Variants in SPATA17 observed in about 807,000 individuals in gnomAD.
The protein encoded by SPATA17 is spermatogenesis associated 17.
A neutral mutation model predicts 62.2 loss-of-function variants in SPATA17; 53 were observed. The observed-to-expected ratio is 0.85, with a 90% CI of 0.68 to 1.07. The LOEUF is 1.07. SPATA17 is among the 50% of genes least tolerant of loss of function. The probability of loss-of-function intolerance (pLI) is 0.00; values close to 1 mark genes in which losing one functional copy is unlikely to be tolerated. For synonymous variants in SPATA17, 146 were observed against 146.8 expected, an observed-to-expected ratio of 0.99 and a Z score of 0.04; for missense variants, 466 against 425.5, an observed-to-expected ratio of 1.10 and a Z score of -0.84.
chr1:217,714,692 A>T (rs1025716617), intron 5 of SPATA17, among the ~76,000 whole-genome samples: 9 of 151,724 alleles, frequency 5.9e-5, no homozygotes, highest in Non-Finnish European at 1.2e-4. Context: ...TCACCGTGTT[A>T]GCCAGGATGG....
chr1:217,737,147 C>T (rs996487941), intron 5 of SPATA17, among the ~76,000 whole-genome samples: 2 of 152,156 alleles, frequency 1.3e-5, no homozygotes, highest in South Asian at 4.1e-4. Context: ...CTAACTCTGT[C>T]ACTTTCTGGA....
intron 5 of SPATA17, among the ~76,000 whole-genome samples, chr1:217,719,431 A>G (rs1281638497): frequency 2.0e-5 from 3 of 152,236 alleles, no homozygotes; most frequent in African/African-American, 7.2e-5. Context: ...CAGATAATTA[A>G]GAGTTACACC....
chr1:217,636,420 T>C (rs1022854831), intron 1 of SPATA17, among the ~76,000 whole-genome samples: 10 of 151,958 alleles, frequency 6.6e-5, no homozygotes, highest in African/African-American at 1.7e-4. Flanking sequence ...TTATTATTAT[T>C]ATTATCATTT....
At chr1:217,826,478 T>A (rs1675004669) in intron 9 of SPATA17, among the ~76,000 whole-genome samples, 1 of 152,108 alleles carries the variant, frequency 6.6e-6, no homozygotes, top group African/African-American at 2.4e-5. Flanking sequence ...TTTTCTTGGG[T>A]TTTCCAAGTA....
chr1:217,720,546 C>T (rs1391330037), intron 5 of SPATA17, among the ~76,000 whole-genome samples: 2 of 152,006 alleles, frequency 1.3e-5, no homozygotes, highest in Non-Finnish European at 2.9e-5. Context: ...GTGGTGCATG[C>T]CTGTAGTCCC....
chr1:217,762,280 A>G (rs1673188708), intron 6 of SPATA17, among the ~76,000 whole-genome samples: 1 of 152,030 alleles, frequency 6.6e-6, no homozygotes, highest in Non-Finnish European at 1.5e-5. Context: ...TTTCAGACCC[A>G]CTCTTACAAC....
At chr1:217,662,259 T>C (rs1047187416) in intron 3 of SPATA17, among the ~76,000 whole-genome samples, 2 of 152,174 alleles carry the variant, frequency 1.3e-5, no homozygotes, top group Non-Finnish European at 2.9e-5. Flanking sequence ...TTGTAGTATA[T>C]AATTAGTTTG....
intron 7 of SPATA17, among the ~76,000 whole-genome samples, chr1:217,778,925 C>G (rs114990809): frequency 0.019 from 2,942 of 152,184 alleles, 108 homozygotes; most frequent in African/African-American, 0.067. Flanking sequence ...GGCTTTCTTC[C>G]TCCATACCAT....
chr1:217,788,833 A>G (rs1673925491), intron 8 of SPATA17, among the ~76,000 whole-genome samples: 1 of 152,178 alleles, frequency 6.6e-6, no homozygotes, highest in South Asian at 2.1e-4. Context: ...AGCCACCACC[A>G]ATTTTGTGGT....
At chr1:217,713,675 A>G (rs2102928482) in intron 5 of SPATA17, among the ~76,000 whole-genome samples, 1 of 152,290 alleles carries the variant, frequency 6.6e-6, no homozygotes, top group South Asian at 2.1e-4. Context: ...TCACCTAAGA[A>G]ATCGATGCTT....
chr1:217,804,234 A>C (rs1485921959), intron 9 of SPATA17, among the ~76,000 whole-genome samples: 1 of 152,156 alleles, frequency 6.6e-6, no homozygotes, highest in East Asian at 1.9e-4. Context: ...AGGATACAGA[A>C]CCCAGAAATA....
chr1:217,850,794 A>G (rs570464164), intron 9 of SPATA17, among the ~76,000 whole-genome samples: 2 of 152,290 alleles, frequency 1.3e-5, no homozygotes, highest in East Asian at 3.9e-4. Flanking sequence ...TGGTAGATGT[A>G]GGATATAAAC....
intron 9 of SPATA17, among the ~76,000 whole-genome samples, chr1:217,810,960 AT>A (rs1674571863): frequency 6.6e-6 from 1 of 152,118 alleles, no homozygotes; most frequent in Non-Finnish European, 1.5e-5. Context: ...TTTAGATGAG[AT>A]TTTGGTGGGT....
chr1:217,766,892 C>G (rs1402270100), intron 6 of SPATA17, among the ~76,000 whole-genome samples: 2 of 152,058 alleles, frequency 1.3e-5, no homozygotes, highest in Non-Finnish European at 2.9e-5. Context: ...AGTCCTCACT[C>G]TTCTCCTTTC....
At chr1:217,848,987 T>C (rs547782048) in intron 9 of SPATA17, among the ~76,000 whole-genome samples, 2 of 152,300 alleles carry the variant, frequency 1.3e-5, no homozygotes, top group East Asian at 3.9e-4. Context: ...CTAAAGCTTT[T>C]TTCTTTTTAA....
chr1:217,689,042 G>A (rs568915194), intron 5 of SPATA17, among the ~76,000 whole-genome samples: 1 of 152,070 alleles, frequency 6.6e-6, no homozygotes, highest in Non-Finnish European at 1.5e-5. Flanking sequence ...GCTTTTTTCT[G>A]TCTTAATAAG....
chr1:217,844,022 A>T (rs1226493584), intron 9 of SPATA17, among the ~76,000 whole-genome samples: 1 of 152,184 alleles, frequency 6.6e-6, no homozygotes, highest in African/African-American at 2.4e-5. Flanking sequence ...TGTGGAGGCC[A>T]GCTAAAAGCA....
intron 6 of SPATA17, among the ~76,000 whole-genome samples, chr1:217,742,897 G>T (rs552567587): frequency 1.3e-5 from 2 of 151,928 alleles, no homozygotes; most frequent in East Asian, 3.9e-4. Flanking sequence ...AGTCCCAGTG[G>T]TGAAGGGTGG....
intron 9 of SPATA17, among the ~76,000 whole-genome samples, chr1:217,822,318 T>C (rs975689465): frequency 6.6e-6 from 1 of 152,042 alleles, no homozygotes; most frequent in Non-Finnish European, 1.5e-5. Context: ...CAATTTATTC[T>C]AAAAATCTTT....
Sources: gnomAD v4.1 joint callset for allele counts (sites outside exome capture counted in the v4.1 genomes callset) on GRCh38, gnomAD v4.1.1 for gene constraint, MANE v1.5 for transcripts, NCBI Gene and HGNC (gene_info 2026-07-23, HGNC 2026-07-21) for gene names.